The following NPFFR2 variants were observed in gnomAD, a reference collection of about 807,000 sequenced individuals.
NPFFR2 encodes neuropeptide FF receptor 2.
In NPFFR2, 15 loss-of-function variants were observed where a neutral mutation model predicts 13.1. The ratio of observed to expected loss-of-function variants is 1.15; its 90% confidence interval spans 0.77 to 1.76. The LOEUF (loss-of-function observed/expected upper bound fraction) is 1.76. Ranked by LOEUF, NPFFR2 falls within the 40% of genes most tolerant of loss-of-function variation. The probability of loss-of-function intolerance (pLI) is 0.00; values close to 1 mark genes in which losing one functional copy is unlikely to be tolerated. For synonymous variants in NPFFR2, 190 were observed against 175.7 expected (o/e 1.08, Z -0.65); for missense variants, 572 against 503.5 (o/e 1.14, Z -1.30).
chr4:72,105,742 A>G (rs1045368957), intron 1 of NPFFR2, among the ~76,000 whole-genome samples: 3 of 152,072 alleles, frequency 2.0e-5, no homozygotes, highest in Non-Finnish European at 4.4e-5. Flanking sequence ...CAAATACAAT[A>G]TAACCTTAAA....
In NPFFR2 at chr4:72,128,629, G is replaced by A; in HGVS notation, c.38G>A (p.Trp13Ter). 1 of 1,611,722 alleles carries A rather than the reference G, an allele frequency of 6.2e-7. No individual in the cohort carries two copies. The highest frequency in any genetic ancestry group is 8.5e-7 in the Non-Finnish European group (1 of 1,178,178). The change falls in exon 2 of 4, where the codon TGG (tryptophan) becomes TAG (stop). Residue 13 changes from tryptophan to a stop codon, truncating the protein, a stop_gained. Coordinates refer to ENST00000308744, the MANE Select transcript of NPFFR2 (RefSeq NM_004885.3). LOFTEE classifies it high-confidence loss of function. ...EKWDTNSSEN[W>*]HPIWNVNDTK... ...TGGGACACAAACTCTTCAGAAAACT[G>A]GCATCCCATCTGGAATGTCAATGAC... is the stretch of plus-strand genomic sequence containing the variant.
intron 1 of NPFFR2, among the ~76,000 whole-genome samples, chr4:72,113,389 C>T (rs571596031): frequency 1.3e-5 from 2 of 152,014 alleles, no homozygotes; most frequent in South Asian, 4.1e-4. Context: ...TCTATCTTCC[C>T]CTCTTCCAGC....
intron 2 of NPFFR2, among the ~76,000 whole-genome samples, chr4:72,131,188 C>T (rs1201517962): frequency 6.6e-6 from 1 of 151,830 alleles, no homozygotes; most frequent in African/African-American, 2.4e-5. Flanking sequence ...TTGAAAAAGG[C>T]AAATTTCAGG....
At chr4:72,115,421 T>C in intron 1 of NPFFR2, among the ~76,000 whole-genome samples, 1 of 152,112 alleles carries the variant, frequency 6.6e-6, no homozygotes, top group East Asian at 1.9e-4. Flanking sequence ...ATGTGAGGTT[T>C]GATTATTAGA....
chr4:72,084,840 C>T (rs1005633194), intron 1 of NPFFR2, among the ~76,000 whole-genome samples: 11 of 152,062 alleles, frequency 7.2e-5, no homozygotes, highest in Admixed American at 2.0e-4. Context: ...GAGCTCTTTT[C>T]GCCCACAGCA....
chr4:72,138,207 T>C (rs1231144128), intron 3 of NPFFR2, 68 bp downstream of exon 3: 1 of 929,942 alleles, frequency 1.1e-6, no homozygotes, highest in East Asian at 2.4e-5. Context: ...CAGAAAAATA[T>C]ATAACCTACT....
chr4:72,051,925 C>A (rs1273995446), intron 1 of NPFFR2, among the ~76,000 whole-genome samples: 11 of 143,622 alleles, frequency 7.7e-5, no homozygotes, highest in Non-Finnish European at 1.4e-4. Flanking sequence ...GACACATACA[C>A]TCTCCCAAGA....
At chr4:72,052,835 C>G (rs1337428604) in intron 1 of NPFFR2, among the ~76,000 whole-genome samples, 1 of 151,962 alleles carries the variant, frequency 6.6e-6, no homozygotes, top group Non-Finnish European at 1.5e-5. Flanking sequence ...AAATCTTGCT[C>G]TTTACAATCG....
intron 1 of NPFFR2, among the ~76,000 whole-genome samples, chr4:72,093,020 T>C (rs1720957653): frequency 6.6e-6 from 1 of 152,326 alleles, no homozygotes; most frequent in African/African-American, 2.4e-5. Context: ...TTTATAGTTC[T>C]TGTTTGGTAG....
chr4:72,070,575 G>GTGTGTGTATGT (rs1291179971), intron 1 of NPFFR2, among the ~76,000 whole-genome samples: 4 of 136,420 alleles, frequency 2.9e-5, no homozygotes, highest in Non-Finnish European at 6.0e-5. Context: ...GGGGGGGGTG[G>GTGTGTGTATGT]GGCTCTGGTG....
chr4:72,108,688 G>C (rs1721482579), intron 1 of NPFFR2, among the ~76,000 whole-genome samples: 3 of 151,870 alleles, frequency 2.0e-5, no homozygotes, highest in African/African-American at 7.3e-5. Flanking sequence ...AAATCAACAA[G>C]ATTTTAACTA....
At chr4:72,101,425 A>G (rs1721246466) in intron 1 of NPFFR2, among the ~76,000 whole-genome samples, 1 of 151,760 alleles carries the variant, frequency 6.6e-6, no homozygotes, top group African/African-American at 2.4e-5. Flanking sequence ...ATTAACTTTC[A>G]AATTAGAAGA....
chr4:72,147,304 C>T lies in NPFFR2; in HGVS notation c.755C>T (p.Pro252Leu), dbSNP rs764337605. ...ATTTCACTCTTCAGGGCTGCAGTTCCTCACACAGGCAGGAAGAACCAGGAG... is the reference window on the plus strand; with the variant it reads ...ATTTCACTCTTCAGGGCTGCAGTTCTTCACACAGGCAGGAAGAACCAGGAG... ...IGISLFRAAV[P>L]HTGRKNQEQW... is the part of the protein sequence containing the mutation. The change falls in exon 4 of 4, where the codon CCT becomes CTT. Residue 252 changes from proline (P) to leucine (L), a missense_variant. Transcript: ENST00000308744. 7.4e-6 allele frequency: 12 copies of T among 1,614,146 alleles called. No individual in the cohort carries two copies. Among genetic ancestry groups the T allele is most frequent in the Non-Finnish European group, 8.5e-6 (10 of 1,180,032 alleles).
intron 1 of NPFFR2, among the ~76,000 whole-genome samples, chr4:72,037,178 G>A (rs546228531): frequency 1.3e-5 from 2 of 151,664 alleles, no homozygotes; most frequent in South Asian, 4.2e-4. Flanking sequence ...GATCGCTTGA[G>A]CTCAGTTTGA....
intron 1 of NPFFR2, among the ~76,000 whole-genome samples, chr4:72,072,120 A>G (rs1231890943): frequency 6.6e-6 from 1 of 152,150 alleles, no homozygotes; most frequent in Non-Finnish European, 1.5e-5. Flanking sequence ...TTCAGTTTCC[A>G]GCATTGCTGT....
At chr4:72,138,949 CCTTT>C (rs1248756251) in intron 3 of NPFFR2, among the ~76,000 whole-genome samples, 4 of 152,114 alleles carry the variant, frequency 2.6e-5, no homozygotes. Context: ...TTAATGATGA[CCTTT>C]CTAACTGGTG....
chr4:72,126,770 T>G (rs898962981), intron 1 of NPFFR2, among the ~76,000 whole-genome samples: 1 of 152,154 alleles, frequency 6.6e-6, no homozygotes, highest in African/African-American at 2.4e-5. Flanking sequence ...TTTACATGTG[T>G]TTTCACAATT....
At chr4:72,132,278 C>T (rs1159055715) in intron 2 of NPFFR2, among the ~76,000 whole-genome samples, 2 of 152,144 alleles carry the variant, frequency 1.3e-5, no homozygotes, top group African/African-American at 4.8e-5. Flanking sequence ...CATTAGTTTG[C>T]TGCAGATAAT....
chr4:72,069,319 A>G (rs917277397), intron 1 of NPFFR2, among the ~76,000 whole-genome samples: 2 of 152,140 alleles, frequency 1.3e-5, no homozygotes, highest in African/African-American at 4.8e-5. Flanking sequence ...ATCATTATGT[A>G]AACACAACAT....
Sources: gnomAD v4.1 joint callset for allele counts (sites outside exome capture counted in the v4.1 genomes callset) on GRCh38, gnomAD v4.1.1 for gene constraint, MANE v1.5 for transcripts, NCBI Gene and HGNC (gene_info 2026-07-23, HGNC 2026-07-21) for gene names.